Variants in METTL8 observed in about 807,000 individuals in gnomAD.
METTL8 encodes the protein tRNA N(3)-cytidine methyltransferase METTL8, mitochondrial.
Under a neutral mutation model 48.7 loss-of-function variants are expected in METTL8, and 32 were observed. The observed-to-expected ratio is 0.66, with a 90% CI of 0.50 to 0.88. The LOEUF (loss-of-function observed/expected upper bound fraction) is 0.88, where lower values mean the gene tolerates loss of function less well. METTL8 is among the 40% of genes least tolerant of loss of function. METTL8 has a pLI of 0.00. For missense variants in METTL8, 464 were observed against 474.4 expected (o/e 0.98, Z 0.20); for synonymous variants, 136 against 157.1 (o/e 0.87, Z 1.01).
intron 3 of METTL8, among the ~76,000 whole-genome samples, chr2:171,340,753 A>G (rs1254643839): frequency 6.6e-6 from 1 of 152,156 alleles, no homozygotes; most frequent in Non-Finnish European, 1.5e-5. Flanking sequence ...GAAAGGACCT[A>G]AATCCACTTG....
intron 1 of METTL8, among the ~76,000 whole-genome samples, chr2:171,412,277 CT>C (rs553474957): frequency 7.7e-4 from 118 of 152,288 alleles, no homozygotes; most frequent in African/African-American, 2.5e-3. Flanking sequence ...TACAAAATGG[CT>C]GCAGCAGTCC....
At chr2:171,404,100 T>TATATATATATATATA (rs71013040) in intron 1 of METTL8, among the ~76,000 whole-genome samples, 5 of 121,504 alleles carry the variant, frequency 4.1e-5, no homozygotes, top group East Asian at 2.4e-4. Flanking sequence ...TATATATATA[T>TATATATATATATATA]GATAGTTTAA....
intron 2 of METTL8, among the ~76,000 whole-genome samples, chr2:171,372,516 G>A (rs1367833608): frequency 4.0e-5 from 6 of 151,340 alleles, no homozygotes; most frequent in Non-Finnish European, 7.4e-5. Context: ...TAAGTTCTAG[G>A]GTACATGTGC....
At chr2:171,408,883 A>G (rs1256251610) in intron 1 of METTL8, among the ~76,000 whole-genome samples, 1 of 151,500 alleles carries the variant, frequency 6.6e-6, no homozygotes, top group Non-Finnish European at 1.5e-5. Context: ...CATGTAGCTT[A>G]GTGCTGGGTG....
intron 1 of METTL8, among the ~76,000 whole-genome samples, chr2:171,406,435 C>T (rs1452807398): frequency 6.6e-6 from 1 of 152,208 alleles, no homozygotes; most frequent in Non-Finnish European, 1.5e-5. Flanking sequence ...TATTTTCTCA[C>T]AGGTCTGGAG....
chr2:171,427,630 C>G (rs546114809), intron 1 of METTL8, among the ~76,000 whole-genome samples: 96 of 152,318 alleles, frequency 6.3e-4, no homozygotes, highest in African/African-American at 1.9e-3. Flanking sequence ...TCCTCCTCAT[C>G]ATTCAGGGCT....
intron 2 of METTL8, among the ~76,000 whole-genome samples, chr2:171,366,348 A>G (rs1469476949): frequency 6.6e-6 from 1 of 152,194 alleles, no homozygotes. Context: ...GTCCCACCCA[A>G]ACAACACCTA....
chr2:171,326,225 G>T, intron 7 of METTL8, 77 bp from the exon 8 acceptor site: 1 of 737,034 alleles, frequency 1.4e-6, no homozygotes, highest in Non-Finnish European at 2.2e-6. Flanking sequence ...CTTTGTTGAA[G>T]ACAAAATAAG....
intron 3 of METTL8, among the ~76,000 whole-genome samples, chr2:171,352,948 T>C (rs1684105534): frequency 6.6e-6 from 1 of 152,014 alleles, no homozygotes; most frequent in Non-Finnish European, 1.5e-5. Context: ...TTTTGAAGGG[T>C]TTTTTGTGTC....
chr2:171,434,083 C>T, upstream of METTL8: 1 of 320,220 alleles, frequency 3.1e-6, no homozygotes. Context: ...GGGCTCTGCC[C>T]AGCTAGCCAC....
chr2:171,351,427 G>T (rs1414641236), intron 3 of METTL8, among the ~76,000 whole-genome samples: 1 of 152,158 alleles, frequency 6.6e-6, no homozygotes, highest in African/African-American at 2.4e-5. Flanking sequence ...TTTTGCTTAG[G>T]ATTGACTTGG....
chr2:171,434,552 C>T (rs930305557), upstream of METTL8: 11 of 1,524,832 alleles, frequency 7.2e-6, 1 homozygote, highest in South Asian at 1.2e-5. Flanking sequence ...GCGGCCCAGC[C>T]TACCCAGGGC....
chr2:171,338,966 T>TA (rs893888082), intron 4 of METTL8, among the ~76,000 whole-genome samples: 22 of 151,784 alleles, frequency 1.4e-4, no homozygotes, highest in African/African-American at 4.6e-4. Context: ...TTTTTTTTTT[T>TA]AAAAACCAGC....
intron 3 of METTL8, among the ~76,000 whole-genome samples, chr2:171,345,276 A>T (rs1687156411): frequency 6.6e-6 from 1 of 152,206 alleles, no homozygotes; most frequent in African/African-American, 2.4e-5. Context: ...AATCACACTC[A>T]ACATCACAAC....
At chr2:171,384,603 G>A (rs1687868536) in intron 2 of METTL8, among the ~76,000 whole-genome samples, 1 of 152,122 alleles carries the variant, frequency 6.6e-6, no homozygotes, top group East Asian at 1.9e-4. Flanking sequence ...GCTGAGGCAG[G>A]AGGACTGCTT....
upstream of METTL8, chr2:171,434,741 G>A (rs1478066454): frequency 1.1e-5 from 16 of 1,395,212 alleles, no homozygotes; most frequent in Non-Finnish European, 1.5e-5. Flanking sequence ...GGAGGGCCGC[G>A]GGCGCGCGGC....
chr2:171,357,309 G>A (rs1479853325), intron 3 of METTL8, among the ~76,000 whole-genome samples: 1 of 152,040 alleles, frequency 6.6e-6, no homozygotes, highest in Non-Finnish European at 1.5e-5. Flanking sequence ...CCAAAAAACT[G>A]TTAGAACTGA....
At chr2:171,418,581 T>C (rs1390249125) in intron 1 of METTL8, among the ~76,000 whole-genome samples, 1 of 152,220 alleles carries the variant, frequency 6.6e-6, no homozygotes, top group African/African-American at 2.4e-5. Context: ...GGGATACTTA[T>C]GTTATACTTC....
chr2:171,358,004 T>A (rs1389246945), intron 3 of METTL8, among the ~76,000 whole-genome samples: 1 of 151,940 alleles, frequency 6.6e-6, no homozygotes. Context: ...GCCCCTAAAG[T>A]TTTTATAGAA....
Sources: gnomAD v4.1 joint callset for allele counts (sites outside exome capture counted in the v4.1 genomes callset) on GRCh38, gnomAD v4.1.1 for gene constraint, MANE v1.5 for transcripts, NCBI Gene and HGNC (gene_info 2026-07-23, HGNC 2026-07-21) for gene names.